The following ANO4 variants were observed in gnomAD, a reference collection of about 807,000 sequenced individuals.
The protein encoded by ANO4 is anoctamin 4, also known as anoctamin-4.
ANO4 carries 69 observed loss-of-function variants against 141.9 expected under a neutral mutation model. That is an observed-to-expected ratio of 0.49 (90% CI 0.40 to 0.59). The LOEUF (loss-of-function observed/expected upper bound fraction) is 0.59. Ranked by LOEUF, ANO4 falls within the 20% of genes least tolerant of loss-of-function variation. The pLI, the probability that ANO4 is intolerant of heterozygous loss-of-function variation, is 0.00. For synonymous variants in ANO4, 350 were observed against 394.3 expected (o/e 0.89, Z 1.33); for missense variants, 894 against 1,162.2 (o/e 0.77, Z 3.36).
At chr12:100,718,204 C>A (rs1205399402) in intron 1 of ANO4, among the ~76,000 whole-genome samples, 1 of 152,156 alleles carries the variant, frequency 6.6e-6, no homozygotes, top group African/African-American at 2.4e-5. Context: ...AAAACAAAAT[C>A]ACTGTGTGAA....
intron 1 of ANO4, among the ~76,000 whole-genome samples, chr12:100,882,447 G>A (rs1456720310): frequency 6.6e-6 from 1 of 152,128 alleles, no homozygotes; most frequent in Non-Finnish European, 1.5e-5. Flanking sequence ...TCGTAGATAA[G>A]AAAACTGAGA....
At chr12:100,831,973 G>A (rs7305626) in intron 1 of ANO4, among the ~76,000 whole-genome samples, 2,663 of 152,166 alleles carry the variant, frequency 0.018, 74 homozygotes, top group African/African-American at 0.06. Context: ...GTAGCGGGCT[G>A]GTACCGTCTT....
Position 101,098,070 on chromosome 12 carries a change from G to C in ANO4, c.2006+125G>C. The C allele has an allele frequency of 1.0e-5, 8 of 801,422 alleles. No homozygotes were observed. In the Admixed American group the frequency reaches 1.9e-4, roughly 19 times the overall value. The allele number at this position is 801,422 out of a possible 1,614,324, so 49.6% of individuals were successfully genotyped here. On this transcript the variant is annotated intron_variant, in intron 21 of 27. Transcript: ENST00000392977. ...CCAGTGCGTGCACCTGGAACTAAGT[G>C]CTCACATTTAGACATCCAAAGGCAG...
upstream of ANO4, among the ~76,000 whole-genome samples, chr12:100,791,644 T>A (rs760669869): frequency 7.2e-5 from 11 of 152,172 alleles, no homozygotes; most frequent in Non-Finnish European, 1.5e-4. Context: ...TCCTCTATTG[T>A]CTCATACATT....
At chr12:100,940,859 G>A (rs573893536) in intron 4 of ANO4, among the ~76,000 whole-genome samples, 1 of 152,056 alleles carries the variant, frequency 6.6e-6, no homozygotes, top group Admixed American at 6.5e-5. Context: ...TTTCAATGTT[G>A]TACAGCAAGC....
intron 18 of ANO4, among the ~76,000 whole-genome samples, chr12:101,094,935 C>A (rs2049920861): frequency 6.6e-6 from 1 of 152,188 alleles, no homozygotes; most frequent in Non-Finnish European, 1.5e-5. Flanking sequence ...TGCAGTGAGT[C>A]ATGATCATGC....
At chr12:101,001,106 C>T (rs1455226672) in intron 8 of ANO4, among the ~76,000 whole-genome samples, 1 of 151,956 alleles carries the variant, frequency 6.6e-6, no homozygotes, top group East Asian at 1.9e-4. Flanking sequence ...ATGTTAAGTT[C>T]GATAGTCAAG....
At chr12:101,117,325 T>C (rs1158261558) in intron 25 of ANO4, among the ~76,000 whole-genome samples, 1 of 152,196 alleles carries the variant, frequency 6.6e-6, no homozygotes, top group Non-Finnish European at 1.5e-5. Flanking sequence ...AGGAAATGAA[T>C]TAAACTGTGC....
At chr12:100,844,498 G>T (rs2037455951) in intron 1 of ANO4, among the ~76,000 whole-genome samples, 1 of 152,198 alleles carries the variant, frequency 6.6e-6, no homozygotes, top group African/African-American at 2.4e-5. Flanking sequence ...TGGATTGGAT[G>T]AGAGTTGGGG....
chr12:100,991,007 C>T (rs1207622345), intron 8 of ANO4, among the ~76,000 whole-genome samples: 1 of 151,880 alleles, frequency 6.6e-6, no homozygotes, highest in Non-Finnish European at 1.5e-5. Flanking sequence ...GACAGGAGAA[C>T]CAAGGAAGAA....
intron 1 of ANO4, among the ~76,000 whole-genome samples, chr12:100,817,479 C>G (rs2035801319): frequency 2.0e-5 from 3 of 151,870 alleles, no homozygotes; most frequent in Non-Finnish European, 1.5e-5. Context: ...GTTTACTAAA[C>G]AGCCAACTTA....
At chr12:100,830,745 A>G (rs1019833700) in intron 1 of ANO4, among the ~76,000 whole-genome samples, 10 of 152,098 alleles carry the variant, frequency 6.6e-5, no homozygotes, top group African/African-American at 2.2e-4. Context: ...TGCTGAGATA[A>G]CGTTTCTTAC....
At chr12:100,890,156 A>G (rs2040033709) in intron 1 of ANO4, among the ~76,000 whole-genome samples, 3 of 152,242 alleles carry the variant, frequency 2.0e-5, no homozygotes, top group South Asian at 2.1e-4. Context: ...TTTAGCCCTT[A>G]TTATGAATAT....
intron 6 of ANO4, among the ~76,000 whole-genome samples, chr12:100,973,279 C>A (rs1407253378): frequency 6.6e-6 from 1 of 152,132 alleles, no homozygotes; most frequent in East Asian, 1.9e-4. Flanking sequence ...ACATGCATTT[C>A]CAAAGGAGGA....
intron 23 of ANO4, among the ~76,000 whole-genome samples, chr12:101,110,860 A>C (rs566826711): frequency 1.3e-5 from 2 of 152,102 alleles, no homozygotes; most frequent in South Asian, 4.1e-4. Context: ...CCTTTTTAAA[A>C]TAGATCTTCC....
At chr12:100,919,694 G>A (rs1331444051) in intron 2 of ANO4, among the ~76,000 whole-genome samples, 20 of 142,822 alleles carry the variant, frequency 1.4e-4, no homozygotes, top group African/African-American at 5.4e-4. Context: ...GTGTGTGTGT[G>A]TGTGTGTGTG....
At chr12:100,971,838 C>T (rs1334041192) in intron 6 of ANO4, among the ~76,000 whole-genome samples, 1 of 150,324 alleles carries the variant, frequency 6.7e-6, no homozygotes, top group Non-Finnish European at 1.5e-5. Context: ...AATTTCATGA[C>T]AGTGTGATCT....
At chr12:100,947,644 G>T (rs962937549) in intron 5 of ANO4, among the ~76,000 whole-genome samples, 3 of 152,180 alleles carry the variant, frequency 2.0e-5, no homozygotes, top group African/African-American at 7.2e-5. Flanking sequence ...TGGGTGCACA[G>T]TCGAGGTTGA....
At chr12:100,983,343 C>T (rs759530020) in intron 7 of ANO4, among the ~76,000 whole-genome samples, 4 of 152,104 alleles carry the variant, frequency 2.6e-5, no homozygotes, top group East Asian at 1.9e-4. Flanking sequence ...CGCATTGCGA[C>T]GAATTTAACA....
Sources: gnomAD v4.1 joint callset for allele counts (sites outside exome capture counted in the v4.1 genomes callset) on GRCh38, gnomAD v4.1.1 for gene constraint, MANE v1.5 for transcripts, NCBI Gene and HGNC (gene_info 2026-07-23, HGNC 2026-07-21) for gene names.